SGSM1: variants seen among roughly 807,000 people sequenced by gnomAD.
SGSM1 encodes small G protein signaling modulator 1.
A neutral mutation model predicts 133.8 loss-of-function variants in SGSM1; 73 were observed. The observed-to-expected ratio is 0.55, with a 90% confidence interval of 0.45 to 0.66. The LOEUF is 0.66. SGSM1 is among the 30% of genes least tolerant of loss of function. The pLI, the probability that SGSM1 is intolerant of heterozygous loss-of-function variation, is 0.00. For synonymous variants in SGSM1, 563 were observed against 573.0 expected (o/e 0.98, Z 0.25); for missense variants, 1,213 against 1,448.1 (o/e 0.84, Z 2.64).
intron 12 of SGSM1, among the ~76,000 whole-genome samples, chr22:24,870,872 A>G (rs1243381330): frequency 6.6e-6 from 1 of 152,204 alleles, no homozygotes; most frequent in Non-Finnish European, 1.5e-5. Flanking sequence ...GAGATTAAGC[A>G]CAGTTACCTC....
chr22:24,862,779 T>C (rs533607607), intron 9 of SGSM1, among the ~76,000 whole-genome samples: 1 of 152,308 alleles, frequency 6.6e-6, no homozygotes, highest in African/African-American at 2.4e-5. Context: ...AAGCCTTTGC[T>C]CCACTGTCAC....
chr22:24,864,136 C>T (rs544122895), intron 9 of SGSM1, among the ~76,000 whole-genome samples: 2 of 152,228 alleles, frequency 1.3e-5, no homozygotes, highest in Admixed American at 6.5e-5. Flanking sequence ...GAAAATGTCA[C>T]GAAAAAGCTA....
rs1187006130 is a variant in SGSM1 at position 24,920,095 on chromosome 22, G to A, written c.3193+102G>A. 4.0e-6 allele frequency: 5 copies of A among 1,265,700 alleles called. No individual in the cohort carries two copies. In the Admixed American group the frequency reaches 6.9e-5, roughly 17 times the overall value. The allele number at this position is 1,265,700 out of a possible 1,614,324, so 78.4% of individuals were successfully genotyped here. A position where few individuals can be genotyped will look rare whatever the true frequency, so the allele number is the denominator to read the frequency against. ...AGATGGGCTGAGATGGATGCATGGT[G>A]AAGGGGATAAAGAGGGCTCTGCACA... On this transcript the variant is annotated intron_variant, in intron 24 of 24. Coordinates refer to ENST00000400358, the MANE Select transcript of SGSM1 (RefSeq NM_001098497.3).
At chr22:24,860,891 C>T (rs1308511076) in intron 9 of SGSM1, among the ~76,000 whole-genome samples, 2 of 74,598 alleles carry the variant, frequency 2.7e-5, no homozygotes, top group East Asian at 3.8e-4. Flanking sequence ...CAGAGCGAGA[C>T]TGTCTTAAAA....
At chr22:24,855,738 G>A (rs1930740630) in intron 8 of SGSM1, 58 bp downstream of exon 8, 2 of 1,613,424 alleles carry the variant, frequency 1.2e-6, no homozygotes, top group Non-Finnish European at 1.7e-6. Context: ...AGGTTATAGA[G>A]GAAAAGGTCT....
At chr22:24,897,948 T>G in intron 18 of SGSM1, 24 bp from the exon 19 acceptor site, 1 of 1,558,084 alleles carries the variant, frequency 6.4e-7, no homozygotes, top group South Asian at 1.2e-5. Context: ...CCGGTCCATC[T>G]GTTTTTGTGC....
chr22:24,806,227 C>T lies in SGSM1; in HGVS notation c.-99C>T. On this transcript the variant is annotated 5_prime_UTR_variant, in exon 1 of 25. Transcript: ENST00000400358. ...CCGGCCGTCACTCAGCGCTCGGCCC[C>T]GCCCCGCCGCGGCTGCAGCAGCAGC... The T allele has an allele frequency of 7.8e-7, 1 of 1,289,694 alleles. No homozygotes were observed. Among genetic ancestry groups the T allele is most frequent in the Middle Eastern group, 3.0e-4 (1 of 3,322 alleles). 79.9% of individuals were successfully genotyped at this position (1,289,694 alleles called of 1,614,324 possible).
Position 24,806,309 on chromosome 22 carries a change from A to T in SGSM1, c.-17A>T. 6.9e-7 allele frequency: 1 copy of T among 1,443,742 alleles called. No individual in the cohort carries two copies. Among genetic ancestry groups the T allele is most frequent in the Non-Finnish European group, 9.1e-7 (1 of 1,101,898 alleles). 89.4% of individuals were successfully genotyped at this position (1,443,742 alleles called of 1,614,324 possible). On this transcript the variant is annotated 5_prime_UTR_variant, in exon 1 of 25. Coordinates refer to ENST00000400358, the MANE Select transcript of SGSM1 (RefSeq NM_001098497.3). ...CCGCCACCGCCTCCTGGGACTCGGA[A>T]CGCAGCGCTCGGAGCCATGGCCTCG...
At chr22:24,882,294 T>G (rs1032638041) in intron 14 of SGSM1, among the ~76,000 whole-genome samples, 3 of 152,120 alleles carry the variant, frequency 2.0e-5, no homozygotes, top group Non-Finnish European at 4.4e-5. Flanking sequence ...GGTCTTGAAC[T>G]CCTGGGCTCA....
intron 19 of SGSM1, chr22:24,901,003 GACCACCCA>G (rs1933140821): frequency 6.6e-6 from 1 of 152,212 alleles, no homozygotes; most frequent in Non-Finnish European, 1.5e-5. Flanking sequence ...TGATCTTTCA[GACCACCCA>G]GGTAATGGGA....
chr22:24,920,841 T>C (rs559997475), intron 24 of SGSM1, among the ~76,000 whole-genome samples: 26 of 152,342 alleles, frequency 1.7e-4, no homozygotes, highest in African/African-American at 5.8e-4. Flanking sequence ...GCACGATACC[T>C]TGGCCTCGCT....
chr22:24,882,781 G>GTT (rs143324396), intron 14 of SGSM1, among the ~76,000 whole-genome samples: 1 of 151,802 alleles, frequency 6.6e-6, no homozygotes, highest in African/African-American at 2.4e-5. Flanking sequence ...TGTGCCTCGC[G>GTT]TTTTTTTGCT....
At chr22:24,863,184 G>C (rs1243889863) in intron 9 of SGSM1, among the ~76,000 whole-genome samples, 1 of 152,176 alleles carries the variant, frequency 6.6e-6, no homozygotes, top group Non-Finnish European at 1.5e-5. Context: ...TTGAGATGGA[G>C]TCTTGCTCTG....
Position 24,925,765 on chromosome 22 carries a change from A to T in SGSM1, c.*1491A>T, listed in dbSNP as rs148910951. On this transcript the variant is annotated 3_prime_UTR_variant, in exon 25 of 25. Coordinates refer to ENST00000400358, the MANE Select transcript of SGSM1 (RefSeq NM_001098497.3). ...GGAAGGCAGAGGTCAGCCAGGGTAG[A>T]GGGTGATGTCTGTTTTCCTTGGGAA... is the stretch of plus-strand genomic sequence containing the variant. 1 of 152,406 alleles carries T rather than the reference A, an allele frequency of 6.6e-6. No homozygotes were observed. The highest frequency in any genetic ancestry group is 1.5e-5 in the Non-Finnish European group (1 of 68,122). The allele number at this position is 152,406 out of a possible 1,614,324, so 9.4% of individuals were successfully genotyped here. A position where few individuals can be genotyped will look rare whatever the true frequency, so the allele number is the denominator to read the frequency against.
intron 21 of SGSM1, among the ~76,000 whole-genome samples, chr22:24,905,931 C>T (rs1933361750): frequency 6.6e-6 from 1 of 152,050 alleles, no homozygotes; most frequent in South Asian, 2.1e-4. Context: ...GTCTCATTGG[C>T]ACCCAGATAC....
rs367637294 is a variant in SGSM1 at position 24,898,158 on chromosome 22, A to G, written c.2209A>G (p.Ser737Gly). 2 of 1,613,888 alleles carry G rather than the reference A, an allele frequency of 1.2e-6. No homozygotes were observed. The highest frequency in any genetic ancestry group is 1.7e-5 in the Admixed American group (1 of 59,998). The change falls in exon 19 of 25, where the codon AGT becomes GGT. Residue 737 changes from serine (S) to glycine (G), a missense_variant. Transcript: ENST00000400358. ...AGAGCCCAGTCTGAGCACAGAAGAC[A>G]GTGTCTTGGACGCCCAGCGGAACAC... ...HSEPSLSTED[S>G]VLDAQRNTPT...
At chr22:24,895,109 C>T (rs5760712) in intron 17 of SGSM1, 114 bp from the exon 18 acceptor site, 85,351 of 1,006,696 alleles carry the variant, frequency 0.085, 5,572 homozygotes, top group East Asian at 0.34. Context: ...AGGACTTGTG[C>T]AAGTTAGGAA....
At chr22:24,825,944 G>C (rs1012569037) in intron 2 of SGSM1, among the ~76,000 whole-genome samples, 1 of 152,176 alleles carries the variant, frequency 6.6e-6, no homozygotes, top group African/African-American at 2.4e-5. Flanking sequence ...CTCTGATTCA[G>C]CAGGCCTCAG....
At chr22:24,889,635 C>T (rs370663960) in intron 16 of SGSM1, among the ~76,000 whole-genome samples, 7 of 151,210 alleles carry the variant, frequency 4.6e-5, no homozygotes, top group East Asian at 3.9e-4. Flanking sequence ...CGTGAGCCAC[C>T]GGGCCTGGCC....
Sources: allele counts gnomAD v4.1 joint callset (sites outside exome capture counted in the v4.1 genomes callset), GRCh38; gene constraint gnomAD v4.1.1; transcripts MANE v1.5; gene names NCBI Gene and HGNC (gene_info 2026-07-23, HGNC 2026-07-21).